The following NCAM1 variants were observed in gnomAD, a reference collection of about 807,000 sequenced individuals.
NCAM1 encodes the protein neural cell adhesion molecule 1.
In NCAM1, 14 loss-of-function variants were observed where a neutral mutation model predicts 109.8. The ratio of observed to expected loss-of-function variants is 0.13; its 90% CI spans 0.08 to 0.20. The LOEUF is 0.20. Ranked by LOEUF, NCAM1 falls within the 10% of genes least tolerant of loss-of-function variation. The pLI, the probability that NCAM1 is intolerant of heterozygous loss-of-function variation, is 1.00. For missense variants in NCAM1, 774 were observed against 1,109.9 expected, an observed-to-expected ratio of 0.70 and a Z score of 4.30; for synonymous variants, 418 against 442.9, an observed-to-expected ratio of 0.94 and a Z score of 0.70.
chr11:113,191,322 ACCTGTTTCCATTC>A (rs1943667625), intron 1 of NCAM1, among the ~76,000 whole-genome samples: 1 of 152,114 alleles, frequency 6.6e-6, no homozygotes, highest in South Asian at 2.1e-4. Flanking sequence ...AATTCCAGCA[ACCTGTTTCCATTC>A]CCTGTTTAAA....
intron 1 of NCAM1, among the ~76,000 whole-genome samples, chr11:113,070,662 T>TA (rs1938219334): frequency 6.6e-6 from 1 of 152,034 alleles, no homozygotes; most frequent in Non-Finnish European, 1.5e-5. Flanking sequence ...GGAGGAATCA[T>TA]AAAAAGGATT....
chr11:113,041,767 C>T (rs1401816266), intron 1 of NCAM1, among the ~76,000 whole-genome samples: 1 of 152,132 alleles, frequency 6.6e-6, no homozygotes, highest in Non-Finnish European at 1.5e-5. Flanking sequence ...TGAGGTCTGA[C>T]TGGTTCCACT....
chr11:113,009,314 T>TTTTTTGTTTTTG, intron 1 of NCAM1, among the ~76,000 whole-genome samples: 1 of 93,482 alleles, frequency 1.1e-5, no homozygotes, highest in Non-Finnish European at 2.1e-5. Context: ...TTTTTCGGGT[T>TTTTTTGTTTTTG]TTTTTTTTTT....
intron 1 of NCAM1, among the ~76,000 whole-genome samples, chr11:112,990,869 T>C (rs2134816786): frequency 6.6e-6 from 1 of 152,304 alleles, no homozygotes; most frequent in Non-Finnish European, 1.5e-5. Flanking sequence ...GCTCCAATAT[T>C]TTCTCCACTC....
chr11:113,266,070 A>G (rs989241233), intron 17 of NCAM1, among the ~76,000 whole-genome samples: 43 of 152,194 alleles, frequency 2.8e-4, no homozygotes, highest in African/African-American at 8.9e-4. Flanking sequence ...TCCAAGGTGC[A>G]CAGGTGAGTT....
In NCAM1 at chr11:113,066,291, ATTGT is replaced by A. The variant is rs1219870317; in HGVS notation, c.52+104630_52+104633del. Among the ~76,000 whole-genome samples, 6 of 152,244 alleles carry A rather than the reference ATTGT, an allele frequency of 3.9e-5. No individual in the cohort carries two copies. The East Asian group carries it at 1.2e-3, about 29-fold the overall frequency. On this transcript the variant is annotated intron_variant, in intron 1 of 19. Transcript: ENST00000316851. ...TAAATGTCCACATAAAGGTATTAAG[ATTGT>A]TTATGTACAGAAATATATTTATTTT... is the stretch of plus-strand genomic sequence containing the variant.
At chr11:112,987,096 C>T (rs1000782238) in intron 1 of NCAM1, among the ~76,000 whole-genome samples, 2 of 152,026 alleles carry the variant, frequency 1.3e-5, no homozygotes, top group African/African-American at 4.8e-5. Context: ...GTTGTGTTTT[C>T]GTTTTTGTTT....
At chr11:113,081,242 C>T (rs1346009473) in intron 1 of NCAM1, among the ~76,000 whole-genome samples, 4 of 142,680 alleles carry the variant, frequency 2.8e-5, no homozygotes, top group African/African-American at 1.1e-4. Context: ...GGGAAGGAGA[C>T]TTGCAGTGAG....
At chr11:113,108,412 G>T (rs950417019) in intron 1 of NCAM1, among the ~76,000 whole-genome samples, 4 of 152,176 alleles carry the variant, frequency 2.6e-5, no homozygotes, top group Admixed American at 1.3e-4. Context: ...ATTGTTCAAA[G>T]CTCTCTGACT....
chr11:113,008,294 G>T (rs11214454), intron 1 of NCAM1, among the ~76,000 whole-genome samples: 1 of 152,126 alleles, frequency 6.6e-6, no homozygotes, highest in African/African-American at 2.4e-5. Flanking sequence ...ATCACAGATA[G>T]GGGGGCAGGG....
chr11:113,159,389 A>T (rs1006419520), intron 1 of NCAM1, among the ~76,000 whole-genome samples: 1 of 152,144 alleles, frequency 6.6e-6, no homozygotes, highest in Non-Finnish European at 1.5e-5. Context: ...AATACTAGAT[A>T]ATTAGGCAAT....
At chr11:113,055,316 T>G (rs1281980783) in intron 1 of NCAM1, among the ~76,000 whole-genome samples, 1 of 152,148 alleles carries the variant, frequency 6.6e-6, no homozygotes, top group Admixed American at 6.5e-5. Context: ...TTTAAGAAGA[T>G]TCTAGCTGAT....
chr11:113,113,770 A>T (rs977502040), intron 1 of NCAM1, among the ~76,000 whole-genome samples: 39 of 149,978 alleles, frequency 2.6e-4, no homozygotes, highest in Admixed American at 1.8e-3. Context: ...GTTCTTTTAA[A>T]AAAAAAAAAA....
chr11:113,268,843 T>G (rs912933004), intron 17 of NCAM1, among the ~76,000 whole-genome samples: 21 of 151,826 alleles, frequency 1.4e-4, no homozygotes, highest in Non-Finnish European at 2.9e-5. Flanking sequence ...GCGAGCTGGG[T>G]TGGGAGTGGG....
At position 113,256,094 on chromosome 11, in the gene NCAM1, G is replaced by A. The variant is rs912821467; in HGVS notation, c.1953+93G>A. ...AACAGGGGCAGCCCACGGGGCAGGG[G>A]TGGGATGGGGTCTTATTCTGTGTCT... On this transcript the variant is annotated intron_variant, in intron 16 of 19. Coordinates refer to ENST00000316851, the MANE Select transcript of NCAM1 (RefSeq NM_181351.5). 2.0e-6 allele frequency: 3 copies of A among 1,473,718 alleles called. No individual in the cohort carries two copies. In the Admixed American group the frequency reaches 6.3e-5, roughly 31 times the overall value. 91.3% of individuals were successfully genotyped at this position (1,473,718 alleles called of 1,614,324 possible).
At chr11:113,262,840 C>A in intron 17 of NCAM1, 3 of 1,613,714 alleles carry the variant, frequency 1.9e-6, no homozygotes, top group Non-Finnish European at 2.5e-6. Flanking sequence ...TGCTTGACAC[C>A]TGCAGCAACC....
At chr11:113,059,717 G>A (rs1188133274) in intron 1 of NCAM1, among the ~76,000 whole-genome samples, 1 of 152,176 alleles carries the variant, frequency 6.6e-6, no homozygotes, top group Non-Finnish European at 1.5e-5. Context: ...GGCAGTCACA[G>A]GGCCCGCCTC....
Position 113,202,344 on chromosome 11 carries a change from TTTTTG to T in NCAM1, c.53-10_53-6del, listed in dbSNP as rs5794855. The T allele has an allele frequency of 2.2e-4, 328 of 1,522,414 alleles. 1 individual carries two copies. The African/African-American group carries it at 2.6e-3, about 12-fold the overall frequency. 94.3% of individuals were successfully genotyped at this position (1,522,414 alleles called of 1,614,324 possible). On this transcript the variant is annotated intron_variant, in intron 1 of 19. Transcript: ENST00000316851. ...CTGAACTTTGTGGGTTTTTTTTTGT[TTTTTG>T]TTTTGTTTTGTTTTGTTTTGTTTTT...
intron 1 of NCAM1, among the ~76,000 whole-genome samples, chr11:113,078,257 A>G (rs1189894048): frequency 6.6e-6 from 1 of 152,088 alleles, no homozygotes. Flanking sequence ...CTGTCTTCAC[A>G]TGGCCTCTGT....
Sources: allele counts gnomAD v4.1 joint callset (sites outside exome capture counted in the v4.1 genomes callset), GRCh38; gene constraint gnomAD v4.1.1; transcripts MANE v1.5; gene names NCBI Gene and HGNC (gene_info 2026-07-23, HGNC 2026-07-21).